IGSF10: variants seen among roughly 807,000 people sequenced by gnomAD.
IGSF10 encodes the protein immunoglobulin superfamily member 10, also known as calvaria mechanical force protein 608.
A neutral mutation model predicts 128.2 loss-of-function variants in IGSF10; 126 were observed. The ratio of observed to expected loss-of-function variants is 0.98; its 90% confidence interval spans 0.85 to 1.14. The LOEUF (loss-of-function observed/expected upper bound fraction) is 1.14. Ranked by LOEUF, IGSF10 falls within the 50% of genes most tolerant of loss-of-function variation. The pLI is 0.00. For missense variants in IGSF10, 3,295 were observed against 3,149.8 expected (o/e 1.05, Z -1.10); for synonymous variants, 1,185 against 1,146.2 (o/e 1.03, Z -0.68).
rs1721212893 is a variant in IGSF10, at chr3:151,446,681, T to A, written c.3300A>T (p.Glu1100Asp). The change falls in exon 6 of 8, where the codon GAA (glutamate) becomes GAT (aspartate). Residue 1100 changes from glutamate to aspartate, a missense_variant. Glu to Asp is a conservative substitution (Grantham distance 45, BLOSUM62 2). Coordinates refer to ENST00000282466, the MANE Select transcript of IGSF10 (RefSeq NM_178822.5). ...PKADIARVPS[E>D]ESTTLVQNPL... ...GATTCTGGACTAGAGTTGTAGACTC[T>A]TCTGATGGGACTCTAGCAATGTCAG... is the stretch of plus-strand genomic sequence containing the variant. 6.2e-7 allele frequency: 1 copy of A among 1,613,960 alleles called. No individual in the cohort carries two copies. The highest frequency in any genetic ancestry group is 1.3e-5 in the African/African-American group (1 of 74,914).
At chr3:151,440,806 A>G (rs1720810643) in intron 7 of IGSF10, 3 of 350,416 alleles carry the variant, frequency 8.6e-6, no homozygotes, top group African/African-American at 6.4e-5. Context: ...AAAGGTTTCC[A>G]TGTGCAGCAA....
At chr3:151,528,346 A>G in the IGSF10 span, among the ~76,000 whole-genome samples, 1 of 152,040 alleles carries the variant, frequency 6.6e-6, no homozygotes, top group African/African-American at 2.4e-5. Context: ...TATAATTTAT[A>G]AGGTTTTTTT....
rs947059704 is a variant in IGSF10, at chr3:151,458,622, G to C, written c.88C>G (p.Pro30Ala). Reference sequence around the variant, plus strand: ...GGCATATAACAGGCACAGCGGCGAGGACAGGCCTTGCCCCCAGGGGTGGCG... The same window carrying C: ...GGCATATAACAGGCACAGCGGCGAGCACAGGCCTTGCCCCCAGGGGTGGCG... ...LVATPGGKACPRRCACYMPTE... is the reference protein window; with the variant it reads ...LVATPGGKACARRCACYMPTE... Residue 30 changes from proline to alanine, a missense_variant, in exon 3 of 8, where the codon CCT becomes GCT. Coordinates refer to ENST00000282466, the MANE Select transcript of IGSF10 (RefSeq NM_178822.5). 2 of 1,614,174 alleles carry C rather than the reference G, an allele frequency of 1.2e-6. No homozygotes were observed. Among genetic ancestry groups the C allele is most frequent in the African/African-American group, 2.7e-5 (2 of 75,026 alleles).
upstream of IGSF10, among the ~76,000 whole-genome samples, chr3:151,463,569 G>A (rs111340719): frequency 0.069 from 1,828 of 26,584 alleles, 99 homozygotes; most frequent in African/African-American, 0.18. Flanking sequence ...TTTCTGAGAC[G>A]GAGTTTTGCT....
the IGSF10 span, among the ~76,000 whole-genome samples, chr3:151,543,049 T>A: frequency 8.5e-5 from 13 of 152,200 alleles, no homozygotes; most frequent in African/African-American, 3.1e-4. Context: ...TCCTACTAAT[T>A]CCCCTAGTCA....
intron 7 of IGSF10, among the ~76,000 whole-genome samples, chr3:151,442,449 G>A (rs1298724172): frequency 7.1e-6 from 1 of 141,072 alleles, no homozygotes; most frequent in African/African-American, 2.7e-5. Context: ...GTGCAATCTC[G>A]GTTCACTGCA....
chr3:151,462,601 C>T (rs996831144), upstream of IGSF10, among the ~76,000 whole-genome samples: 1 of 152,148 alleles, frequency 6.6e-6, no homozygotes, highest in Non-Finnish European at 1.5e-5. Flanking sequence ...GTAGAAAAGC[C>T]GTTAATTCAA....
At chr3:151,602,826 T>C in the IGSF10 span, among the ~76,000 whole-genome samples, 2 of 152,240 alleles carry the variant, frequency 1.3e-5, no homozygotes, top group African/African-American at 2.4e-5. Context: ...AATAGGTTCA[T>C]GATTATCCAG....
At chr3:151,549,180 G>T in the IGSF10 span, among the ~76,000 whole-genome samples, 3 of 152,132 alleles carry the variant, frequency 2.0e-5, no homozygotes, top group Non-Finnish European at 4.4e-5. Context: ...AGGAGTAGTT[G>T]GTTGGTGGCT....
At chr3:151,570,298 A>T in the IGSF10 span, among the ~76,000 whole-genome samples, 2 of 152,208 alleles carry the variant, frequency 1.3e-5, no homozygotes, top group Non-Finnish European at 2.9e-5. Flanking sequence ...TAGATCCCTG[A>T]GGAATCGCCA....
chr3:151,577,331 T>G, the IGSF10 span, among the ~76,000 whole-genome samples: 1 of 152,198 alleles, frequency 6.6e-6, no homozygotes, highest in Non-Finnish European at 1.5e-5. Flanking sequence ...TTATAGCCCA[T>G]GTCCGCCCAT....
At chr3:151,592,876 C>T in the IGSF10 span, among the ~76,000 whole-genome samples, 3 of 152,008 alleles carry the variant, frequency 2.0e-5, no homozygotes, top group Non-Finnish European at 2.9e-5. Context: ...CACATCTAAA[C>T]TTAATATAAT....
Position 151,437,046 on chromosome 3 carries a change from G to GAT in IGSF10, c.7513_7514dup (p.Cys2506SerfsTer12), listed in dbSNP as rs1223143958. The stretch of plus-strand genomic sequence containing the variant: ...GACCAACACTATTTTGAGCCTTACA[G>GAT]ATATAGTTTCCTCTGTCATAAGCTG... On this transcript the variant is annotated frameshift_variant, in exon 8 of 8. Transcript: ENST00000282466. LOFTEE classifies it low-confidence loss of function (END_TRUNC). 6.2e-7 allele frequency: 1 copy of GAT among 1,614,128 alleles called. No individual in the cohort carries two copies. The highest frequency in any genetic ancestry group is 8.5e-7 in the Non-Finnish European group (1 of 1,179,994).
chr3:151,597,178 T>G, the IGSF10 span, among the ~76,000 whole-genome samples: 1 of 152,176 alleles, frequency 6.6e-6, no homozygotes, highest in African/African-American at 2.4e-5. Context: ...TCGACAGTAT[T>G]TCAGAGCATG....
At chr3:151,552,365 C>G in the IGSF10 span, among the ~76,000 whole-genome samples, 6 of 152,224 alleles carry the variant, frequency 3.9e-5, no homozygotes, top group South Asian at 1.2e-3. Flanking sequence ...CCAATACGTA[C>G]AGAGACAAGG....
chr3:151,550,402 G>T, the IGSF10 span, among the ~76,000 whole-genome samples: 1 of 152,048 alleles, frequency 6.6e-6, no homozygotes, highest in Non-Finnish European at 1.5e-5. Flanking sequence ...TTGTGTCCGG[G>T]CCAATAGAAA....
chr3:151,570,996 T>C, the IGSF10 span, among the ~76,000 whole-genome samples: 4 of 152,230 alleles, frequency 2.6e-5, no homozygotes, highest in Non-Finnish European at 5.9e-5. Flanking sequence ...TAGGGAATCC[T>C]TTCCCCATTG....
the IGSF10 span, among the ~76,000 whole-genome samples, chr3:151,514,445 T>C: frequency 0.53 from 80,134 of 152,046 alleles, 22,492 homozygotes; most frequent in African/African-American, 0.72. Flanking sequence ...GGATCCCTTC[T>C]GTGCACCTTA....
chr3:151,513,159 A>G, the IGSF10 span, among the ~76,000 whole-genome samples: 7 of 151,686 alleles, frequency 4.6e-5, no homozygotes, highest in Non-Finnish European at 8.8e-5. Flanking sequence ...GAGACACAAC[A>G]AAAAAAAGAG....
Sources: allele counts gnomAD v4.1 joint callset (sites outside exome capture counted in the v4.1 genomes callset), GRCh38; gene constraint gnomAD v4.1.1; transcripts MANE v1.5; gene names NCBI Gene and HGNC (gene_info 2026-07-23, HGNC 2026-07-21).